The following APTX variants were observed in gnomAD, a reference collection of about 807,000 sequenced individuals.
APTX encodes the protein forkhead-associated domain histidine triad-like protein.
APTX carries 33 observed loss-of-function variants against 42.3 expected under a neutral mutation model. The ratio of observed to expected loss-of-function variants is 0.78; its 90% CI spans 0.59 to 1.04. APTX has a LOEUF of 1.04. Ranked by LOEUF, APTX falls within the 50% of genes least tolerant of loss-of-function variation. The pLI, the probability that APTX is intolerant of heterozygous loss-of-function variation, is 0.00. For synonymous variants in APTX, 130 were observed against 146.7 expected, an observed-to-expected ratio of 0.89 and a Z score of 0.82; for missense variants, 421 against 415.1, an observed-to-expected ratio of 1.01 and a Z score of -0.12.
At chr9:33,003,495 G>A (rs991102862), upstream of APTX, among the ~76,000 whole-genome samples, 1 of 152,144 alleles carries the variant, frequency 6.6e-6, no homozygotes, top group Non-Finnish European at 1.5e-5. Flanking sequence ...AGCCTGGCGT[G>A]GCGGAACTCG....
Position 32,972,939 on chromosome 9 carries a change from T to C in APTX, c.*559A>G. On this transcript the variant is annotated 3_prime_UTR_variant, in exon 8 of 8. Coordinates refer to ENST00000379817, the MANE Select transcript of APTX (RefSeq NM_001195248.2). ...ACTGTGAAGAACTGATGAGACAGAA[T>C]TCCTGAGAAGGGAACATTTAGGTAA... is the stretch of plus-strand genomic sequence containing the variant. The C allele has an allele frequency of 2.2e-6, 1 of 454,038 alleles. No individual in the cohort carries two copies. The highest frequency in any genetic ancestry group is 1.6e-5 in the South Asian group (1 of 64,478). The allele number at this position is 454,038 out of a possible 1,614,324, so 28.1% of individuals were successfully genotyped here.
upstream of APTX, chr9:33,001,640 T>C (rs1485367148): frequency 3.7e-6 from 6 of 1,612,818 alleles, no homozygotes; most frequent in African/African-American, 2.7e-5. Flanking sequence ...CGGGATGACG[T>C]CAGAGGCCGG....
At chr9:32,976,267 A>C (rs1301928226) in intron 6 of APTX, among the ~76,000 whole-genome samples, 1 of 152,180 alleles carries the variant, frequency 6.6e-6, no homozygotes, top group Non-Finnish European at 1.5e-5. Context: ...ATTAAGAGAA[A>C]TACCTAATGT....
chr9:33,004,868 CTGACCTTG>C (rs1837023942), upstream of APTX, among the ~76,000 whole-genome samples: 1 of 151,748 alleles, frequency 6.6e-6, no homozygotes, highest in African/African-American at 2.4e-5. Flanking sequence ...TCTCAAACTC[CTGACCTTG>C]TGATCCACCC....
chr9:32,976,652 T>C (rs1829493440), intron 6 of APTX, among the ~76,000 whole-genome samples: 1 of 152,226 alleles, frequency 6.6e-6, no homozygotes, highest in Admixed American at 6.5e-5. Flanking sequence ...TATTTCTTCC[T>C]ATGAGGGAAA....
rs775131687 is a variant in APTX, at chr9:32,972,888, C to T, written c.*610G>A. On this transcript the variant is annotated 3_prime_UTR_variant, in exon 8 of 8. Coordinates refer to ENST00000379817, the MANE Select transcript of APTX (RefSeq NM_001195248.2). ...GTATTAGAAGAAAACTCCAACCCCC[C>T]ACACCATCATCTAGCCTCTTTTCTC... The T allele has an allele frequency of 2.2e-6, 1 of 454,134 alleles. No individual in the cohort carries two copies. The allele number at this position is 454,134 out of a possible 1,614,324, so 28.1% of individuals were successfully genotyped here.
chr9:33,001,215 T>A lies in APTX; in HGVS notation c.-5+352A>T, dbSNP rs541875494. 58 of 1,157,202 alleles carry A rather than the reference T, an allele frequency of 5.0e-5. 1 individual carries two copies. The South Asian group carries it at 7.0e-4, about 14-fold the overall frequency. 71.7% of individuals were successfully genotyped at this position (1,157,202 alleles called of 1,614,324 possible). A position where few individuals can be genotyped will look rare whatever the true frequency, so the allele number is the denominator to read the frequency against. On this transcript the variant is annotated intron_variant, in intron 1 of 7. Transcript: ENST00000379817. ...TGCTGCTAAGGTCCCTCAAGTGCCT[T>A]TCACGAAGCATTTCTGGCGGAAACG...
At chr9:33,004,944 G>T (rs75217943), upstream of APTX, among the ~76,000 whole-genome samples, 10,722 of 151,908 alleles carry the variant, frequency 0.071, 512 homozygotes, top group Non-Finnish European at 0.11. Flanking sequence ...CCGGCCGCTT[G>T]TTACTTTTTT....
chr9:33,015,886 A>G (rs1265981972), intron 1 of APTX: 1 of 152,224 alleles, frequency 6.6e-6, no homozygotes, highest in African/African-American at 2.4e-5. Context: ...TTATGGGGCA[A>G]AACAATTCAT....
chr9:32,996,105 T>A (rs968823522), intron 1 of APTX, among the ~76,000 whole-genome samples: 1 of 152,164 alleles, frequency 6.6e-6, no homozygotes. Flanking sequence ...TATTGCACAC[T>A]TAACAGACTA....
chr9:32,996,891 C>T (rs1021318861), intron 1 of APTX, among the ~76,000 whole-genome samples: 1 of 152,228 alleles, frequency 6.6e-6, no homozygotes, highest in East Asian at 1.9e-4. Flanking sequence ...CCCCGGTTTT[C>T]AGCACCTTTA....
At chr9:32,976,328 T>C (rs973208466) in intron 6 of APTX, among the ~76,000 whole-genome samples, 3 of 152,122 alleles carry the variant, frequency 2.0e-5, no homozygotes, top group Non-Finnish European at 2.9e-5. Context: ...TGTATACCTA[T>C]GTATCAAACC....
chr9:33,011,723 G>A (rs1226654818), intron 1 of APTX, among the ~76,000 whole-genome samples: 1 of 152,072 alleles, frequency 6.6e-6, no homozygotes, highest in African/African-American at 2.4e-5. Context: ...TCTGTGTCAC[G>A]CAGTGGGGTC....
intron 4 of APTX, among the ~76,000 whole-genome samples, chr9:32,986,574 C>T (rs1426141285): frequency 2.0e-5 from 3 of 151,428 alleles, no homozygotes; most frequent in African/African-American, 7.3e-5. Context: ...GTGATCTCGG[C>T]TCACTGCAAC....
At chr9:33,019,137 G>A (rs1419523176) in intron 1 of APTX, among the ~76,000 whole-genome samples, 1 of 152,106 alleles carries the variant, frequency 6.6e-6, no homozygotes, top group African/African-American at 2.4e-5. Flanking sequence ...TTAACAATAG[G>A]TTAAGACTGA....
chr9:32,991,517 C>A (rs924105707), intron 1 of APTX, among the ~76,000 whole-genome samples: 2 of 152,142 alleles, frequency 1.3e-5, no homozygotes, highest in Non-Finnish European at 2.9e-5. Context: ...GGTGCGGTGT[C>A]TCAGGCCTGT....
chr9:32,990,837 C>T lies in APTX; in HGVS notation c.-4-942G>A, dbSNP rs186535745. On this transcript the variant is annotated intron_variant, in intron 1 of 7. Transcript: ENST00000379817. Reference sequence around the variant, plus strand: ...CTTTATGTGTCATAGGTTTTCCTTCCCTGTCATGACATACTGATGTTAGAA... The same window carrying T: ...CTTTATGTGTCATAGGTTTTCCTTCTCTGTCATGACATACTGATGTTAGAA... Among the ~76,000 whole-genome samples the T allele has an allele frequency of 5.3e-5, 8 of 152,280 alleles. No individual in the cohort carries two copies. The East Asian group carries it at 1.2e-3, about 22-fold the overall frequency.
intron 1 of APTX, chr9:33,019,624 C>A (rs10971337): frequency 0.082 from 31,903 of 388,458 alleles, 1,654 homozygotes; most frequent in Non-Finnish European, 0.11. Flanking sequence ...TGTGGGAATT[C>A]CCTGCCCTAG....
chr9:32,989,750 A>C lies in APTX; in HGVS notation c.133+9T>G. On this transcript the variant is annotated intron_variant, in intron 2 of 7. Transcript: ENST00000379817. ...CCATAGTAATCTCCACATTTCTATG[A>C]CCAGTTACCTTGCTGTCGAGAACAT... 1 of 1,614,228 alleles carries C rather than the reference A, an allele frequency of 6.2e-7. No individual in the cohort carries two copies. Among genetic ancestry groups the C allele is most frequent in the Middle Eastern group, 1.6e-4 (1 of 6,062 alleles).
Sources: gnomAD v4.1 joint callset for allele counts (sites outside exome capture counted in the v4.1 genomes callset) on GRCh38, gnomAD v4.1.1 for gene constraint, MANE v1.5 for transcripts, NCBI Gene and HGNC (gene_info 2026-07-23, HGNC 2026-07-21) for gene names.